The following INSIG1 variants were observed in gnomAD, a reference collection of about 807,000 sequenced individuals.
INSIG1 encodes insulin-induced gene 1 protein.
In INSIG1, 14 loss-of-function variants were observed where a neutral mutation model predicts 26.5. That is an observed-to-expected ratio of 0.53 (90% CI 0.35 to 0.83). INSIG1 has a LOEUF of 0.83. INSIG1 is among the 40% of genes least tolerant of loss of function. The pLI, the probability that INSIG1 is intolerant of heterozygous loss-of-function variation, is 0.01. For synonymous variants in INSIG1, 147 were observed against 153.3 expected, an observed-to-expected ratio of 0.96 and a Z score of 0.30; for missense variants, 272 against 368.9, an observed-to-expected ratio of 0.74 and a Z score of 2.15.
At chr7:155,306,759 G>A (rs528307446) in intron 5 of INSIG1, among the ~76,000 whole-genome samples, 98 of 152,322 alleles carry the variant, frequency 6.4e-4, no homozygotes, top group Non-Finnish European at 2.5e-4. Context: ...AGAGGTCGAC[G>A]TGGCACCGTG....
chr7:155,302,848 TA>T lies in INSIG1; in HGVS notation c.804+4del. ...AACATAGGACGACAGTTAGCTATGG[TA>T]AGTGAAATGATCATATTATCTTCTA... On this transcript the variant is annotated splice_donor_region_variant and intron_variant, in intron 5 of 5. Coordinates refer to ENST00000340368, the MANE Select transcript of INSIG1 (RefSeq NM_005542.6). The surrounding 1 kb of genome is among the most constrained non-coding windows in gnomAD (Gnocchi z 4.3). 6.4e-7 allele frequency: 1 copy of T among 1,568,024 alleles called. No individual in the cohort carries two copies. The highest frequency in any genetic ancestry group is 8.8e-7 in the Non-Finnish European group (1 of 1,138,284).
intron 5 of INSIG1, among the ~76,000 whole-genome samples, chr7:155,305,120 TG>T (rs1312507868): frequency 6.9e-6 from 1 of 144,900 alleles, no homozygotes; most frequent in Non-Finnish European, 1.5e-5. Flanking sequence ...CATTCCAGCC[TG>T]GGTGACAGAG....
rs1411599035 is a variant in INSIG1, at chr7:155,301,747, C to T, written c.537+57C>T. The T allele has an allele frequency of 4.2e-6, 6 of 1,423,434 alleles. No individual in the cohort carries two copies. In the South Asian group the frequency reaches 5.3e-5, roughly 13 times the overall value. 88.2% of individuals were successfully genotyped at this position (1,423,434 alleles called of 1,614,324 possible). A position where few individuals can be genotyped will look rare whatever the true frequency, so the allele number is the denominator to read the frequency against. ...TATCTTCTTAGGTTATATATTGAAGCGTTTTGTTTTGTTATATACTCAAAT... is the reference window on the plus strand; with the variant it reads ...TATCTTCTTAGGTTATATATTGAAGTGTTTTGTTTTGTTATATACTCAAAT... On this transcript the variant is annotated intron_variant, in intron 3 of 5. Coordinates refer to ENST00000340368, the MANE Select transcript of INSIG1 (RefSeq NM_005542.6).
Position 155,298,305 on chromosome 7 carries a change from A to G in INSIG1, c.20A>G (p.His7Arg), listed in dbSNP as rs1342614207. 3 of 1,489,452 alleles carry G rather than the reference A, an allele frequency of 2.0e-6. No homozygotes were observed. The highest frequency in any genetic ancestry group is 1.5e-5 in the African/African-American group (1 of 67,666). The allele number at this position is 1,489,452 out of a possible 1,614,324, so 92.3% of individuals were successfully genotyped here. A position where few individuals can be genotyped will look rare whatever the true frequency, so the allele number is the denominator to read the frequency against. MPRLHD[H>R]FWSCSCAHSA... ...TGACCGATGCCCAGATTGCACGACC[A>G]CTTCTGGAGCTGCTCCTGTGCGCAC... The change falls in exon 2 of 6, where the codon CAC becomes CGC. Residue 7 changes from histidine (H) to arginine (R), a missense_variant. His to Arg is a conservative substitution (Grantham distance 29, BLOSUM62 0). This residue lies in a region of INSIG1 where 161 missense variants were observed against 179.2 expected (regional missense o/e 0.90). Coordinates refer to ENST00000340368, the MANE Select transcript of INSIG1 (RefSeq NM_005542.6).
At chr7:155,308,098 A>G (rs1396494058) in intron 5 of INSIG1, 143 bp from the exon 6 acceptor site, 7 of 575,498 alleles carry the variant, frequency 1.2e-5, no homozygotes, top group Non-Finnish European at 2.2e-5. Flanking sequence ...TTCTCTGCAC[A>G]TGTCCCACCT....
intron 5 of INSIG1, 155 bp downstream of exon 5, chr7:155,303,001 G>C (rs1797831514): frequency 1.9e-6 from 1 of 526,112 alleles, no homozygotes; most frequent in East Asian, 2.9e-5. Flanking sequence ...AATAGGTAAT[G>C]ATACCCAGGT....
chr7:155,306,882 G>GCCAC (rs369028125), intron 5 of INSIG1, among the ~76,000 whole-genome samples: 74 of 152,310 alleles, frequency 4.9e-4, no homozygotes, highest in Non-Finnish European at 9.0e-4. Context: ...TTTACAATGT[G>GCCAC]CCACCATTAG....
At chr7:155,307,946 A>G (rs9769826) in intron 5 of INSIG1, among the ~76,000 whole-genome samples, 90,153 of 151,632 alleles carry the variant, frequency 0.59, 27,810 homozygotes, top group African/African-American at 0.68. Flanking sequence ...CTTATATAAC[A>G]GGCTTTATAT....
chr7:155,300,146 G>A (rs769054537), intron 2 of INSIG1, among the ~76,000 whole-genome samples: 26 of 152,164 alleles, frequency 1.7e-4, no homozygotes, highest in Admixed American at 3.3e-4. Flanking sequence ...ACATTTGGCA[G>A]AATAGTTTCT....
Position 155,309,914 on chromosome 7 carries a change from T to G in INSIG1, c.*1644T>G, listed in dbSNP as rs1233961525. ...CATTTTATGAAAAACCAGAAGTTATTAGATGAAAGCAGCGAGTGAATCTTT... is the reference window on the plus strand; with the variant it reads ...CATTTTATGAAAAACCAGAAGTTATGAGATGAAAGCAGCGAGTGAATCTTT... On this transcript the variant is annotated 3_prime_UTR_variant, in exon 6 of 6. Coordinates refer to ENST00000340368, the MANE Select transcript of INSIG1 (RefSeq NM_005542.6). 2 of 152,648 alleles carry G rather than the reference T, an allele frequency of 1.3e-5. No homozygotes were observed. Among genetic ancestry groups the G allele is most frequent in the Admixed American group, 6.5e-5 (1 of 15,278 alleles). The allele number at this position is 152,648 out of a possible 1,614,324, so 9.5% of individuals were successfully genotyped here.
At chr7:155,301,765 A>T in intron 3 of INSIG1, 75 bp downstream of exon 3, 1 of 1,317,172 alleles carries the variant, frequency 7.6e-7, no homozygotes, top group Non-Finnish European at 1.0e-6. Flanking sequence ...TTTGTTATAT[A>T]CTCAAATGAC....
rs531172627 is a variant in INSIG1 at position 155,298,847 on chromosome 7, G to A, written c.412+150G>A. ...CAGTCTTGGGATTTAGAGAAATGAA[G>A]GAGGGGTAGAGAGGACCTGGCACCC... On this transcript the variant is annotated intron_variant, in intron 2 of 5. Coordinates refer to ENST00000340368, the MANE Select transcript of INSIG1 (RefSeq NM_005542.6). 221 of 924,752 alleles carry A rather than the reference G, an allele frequency of 2.4e-4. No individual in the cohort carries two copies. In the African/African-American group the frequency reaches 3.3e-3, roughly 14 times the overall value. The allele number at this position is 924,752 out of a possible 1,614,324, so 57.3% of individuals were successfully genotyped here. A position where few individuals can be genotyped will look rare whatever the true frequency, so the allele number is the denominator to read the frequency against.
intron 5 of INSIG1, among the ~76,000 whole-genome samples, chr7:155,307,333 C>T (rs1029181631): frequency 2.0e-5 from 3 of 152,176 alleles, no homozygotes; most frequent in East Asian, 1.9e-4. Context: ...GAGTAATCTC[C>T]GTCATTGCTG....
At position 155,302,464 on chromosome 7, in the gene INSIG1, T is replaced by G; in HGVS notation, c.704+47T>G. On this transcript the variant is annotated intron_variant, in intron 4 of 5. Coordinates refer to ENST00000340368, the MANE Select transcript of INSIG1 (RefSeq NM_005542.6). This position sits in a 1 kb window ranked among gnomAD's most constrained non-coding sequence, Gnocchi z 4.3. ...TTGGCTTTGGAAAGCTTACTTAACTTTCATTAAAACATCCACTAAGCTTAG... is the reference window on the plus strand; with the variant it reads ...TTGGCTTTGGAAAGCTTACTTAACTGTCATTAAAACATCCACTAAGCTTAG... 1 of 1,497,546 alleles carries G rather than the reference T, an allele frequency of 6.7e-7. No homozygotes were observed. Among genetic ancestry groups the G allele is most frequent in the Non-Finnish European group, 9.0e-7 (1 of 1,112,930 alleles). The allele number at this position is 1,497,546 out of a possible 1,614,324, so 92.8% of individuals were successfully genotyped here. A position where few individuals can be genotyped will look rare whatever the true frequency, so the allele number is the denominator to read the frequency against.
At chr7:155,303,773 C>A in intron 5 of INSIG1, 1 of 1,067,590 alleles carries the variant, frequency 9.4e-7, no homozygotes, top group Non-Finnish European at 1.3e-6. Context: ...TCTGGGAAAA[C>A]TTATCTTAGT....
chr7:155,308,334 T>TGACA lies in INSIG1; in HGVS notation c.*65_*68dup. On this transcript the variant is annotated 3_prime_UTR_variant, in exon 6 of 6. Transcript: ENST00000340368. ...TGGAAGAAAATCTGACTGTGGATTA[T>TGACA]GACAAAGATTATCTTTTTTCTTAAG... 6.3e-7 allele frequency: 1 copy of TGACA among 1,595,028 alleles called. No homozygotes were observed. Among genetic ancestry groups the TGACA allele is most frequent in the South Asian group, 1.1e-5 (1 of 90,660 alleles).
intron 2 of INSIG1, among the ~76,000 whole-genome samples, chr7:155,300,604 C>A (rs1411711331): frequency 6.6e-6 from 1 of 152,138 alleles, no homozygotes; most frequent in African/African-American, 2.4e-5. Flanking sequence ...GCCGGCACCC[C>A]ACTCCCCCCT....
chr7:155,300,920 G>A (rs1347657250), intron 2 of INSIG1, among the ~76,000 whole-genome samples: 1 of 152,208 alleles, frequency 6.6e-6, no homozygotes, highest in East Asian at 1.9e-4. Context: ...AATAAGCGAA[G>A]CCTGTGTGGG....
In INSIG1 at chr7:155,302,424, G is replaced by A; in HGVS notation, c.704+7G>A. 2.6e-6 allele frequency: 4 copies of A among 1,567,370 alleles called. No homozygotes were observed. Among genetic ancestry groups the A allele is most frequent in the South Asian group, 2.4e-5 (2 of 82,908 alleles). ...TGTATAATGGTGTCTATCAGTAAGT[G>A]TGTGTTTTCAAATATTGGCTTTGGA... On this transcript the variant is annotated splice_region_variant and intron_variant, in intron 4 of 5. Coordinates refer to ENST00000340368, the MANE Select transcript of INSIG1 (RefSeq NM_005542.6). The surrounding 1 kb of genome is among the most constrained non-coding windows in gnomAD (Gnocchi z 4.3).
Sources: gnomAD v4.1 joint callset for allele counts (sites outside exome capture counted in the v4.1 genomes callset) on GRCh38, gnomAD v4.1.1 for gene constraint, gnomAD v4.1.1 regional missense constraint, Gnocchi (gnomAD v3.1) non-coding constraint, MANE v1.5 for transcripts, NCBI Gene and HGNC (gene_info 2026-07-23, HGNC 2026-07-21) for gene names.